RARS2: variants seen among roughly 807,000 people sequenced by gnomAD.
RARS2 encodes arginyl-tRNA synthetase 2, mitochondrial, also known as probable arginine--tRNA ligase, mitochondrial.
Under a neutral mutation model 88.5 loss-of-function variants are expected in RARS2, and 67 were observed. That is an observed-to-expected ratio of 0.76 (90% CI 0.62 to 0.93). The LOEUF (loss-of-function observed/expected upper bound fraction) is 0.93, where lower values mean the gene tolerates loss of function less well. Among genes scored for constraint, RARS2 ranks in the 40% least tolerant of loss-of-function variants. RARS2 has a pLI of 0.00. For synonymous variants in RARS2, 239 were observed against 230.3 expected (o/e 1.04, Z -0.34); for missense variants, 664 against 684.2 (o/e 0.97, Z 0.33).
chr6:87,549,707 G>C (rs1783769461), intron 5 of RARS2, among the ~76,000 whole-genome samples: 1 of 152,082 alleles, frequency 6.6e-6, no homozygotes, highest in Non-Finnish European at 1.5e-5. Flanking sequence ...AATGCTTCTA[G>C]AGCACTCACT....
intron 4 of RARS2, among the ~76,000 whole-genome samples, chr6:87,559,463 CAAAAAAAAAAAAAA>C (rs753856335): frequency 5.4e-4 from 50 of 93,272 alleles, no homozygotes; most frequent in Admixed American, 1.0e-3. Context: ...AACTCTGTCT[CAAAAAAAAAAAAAA>C]AAAAAAAAAA....
intron 2 of RARS2, among the ~76,000 whole-genome samples, chr6:87,564,940 C>A (rs921276473): frequency 6.6e-6 from 1 of 151,864 alleles, no homozygotes; most frequent in Non-Finnish European, 1.5e-5. Context: ...TGCCCGTAAG[C>A]CCAGCTACTC....
chr6:87,520,329 C>G (rs1225684137), intron 12 of RARS2, 73 bp from the exon 13 acceptor site: 35 of 1,226,870 alleles, frequency 2.9e-5, no homozygotes, highest in East Asian at 2.0e-4. Flanking sequence ...GGACTTGAAT[C>G]AAATTAAGAT....
At chr6:87,547,515 TA>T (rs1255856936) in intron 6 of RARS2, among the ~76,000 whole-genome samples, 1 of 152,256 alleles carries the variant, frequency 6.6e-6, no homozygotes, top group Non-Finnish European at 1.5e-5. Context: ...TATATAATTT[TA>T]ATTTCAGTTT....
At chr6:87,572,391 T>A (rs934182973) in intron 1 of RARS2, among the ~76,000 whole-genome samples, 3 of 152,144 alleles carry the variant, frequency 2.0e-5, no homozygotes, top group Admixed American at 6.5e-5. Flanking sequence ...ATATAACAAT[T>A]CGGCTGAAAA....
intron 8 of RARS2, among the ~76,000 whole-genome samples, chr6:87,537,055 A>G (rs1369042091): frequency 2.0e-5 from 3 of 152,254 alleles, no homozygotes; most frequent in Non-Finnish European, 4.4e-5. Flanking sequence ...ACTATCATAC[A>G]ATATCATTTC....
intron 2 of RARS2, among the ~76,000 whole-genome samples, chr6:87,566,553 T>C (rs1056416316): frequency 1.3e-5 from 2 of 152,074 alleles, no homozygotes; most frequent in African/African-American, 4.8e-5. Context: ...AATAAACAAC[T>C]GTGGATGAGG....
At chr6:87,542,705 C>T (rs1207391786) in intron 7 of RARS2, among the ~76,000 whole-genome samples, 5 of 145,282 alleles carry the variant, frequency 3.4e-5, no homozygotes, top group African/African-American at 7.7e-5. Flanking sequence ...TGGTAAACTA[C>T]ATATCAAAAT....
chr6:87,541,940 T>G lies in RARS2; in HGVS notation c.590A>C (p.Asn197Thr), dbSNP rs571919577. ...TACTTCAAAGAGATGCTGTAGAGGA[T>G]TGGACTGCAGTTTTTCCTCATAGCC... is the stretch of plus-strand genomic sequence containing the variant. Reference protein sequence around the residue: ...LFGYEEKLQSNPLQHLFEVYV... With the variant: ...LFGYEEKLQSTPLQHLFEVYV... Residue 197 changes from asparagine to threonine, a missense_variant, in exon 8 of 20, where the codon AAT becomes ACT. Coordinates refer to ENST00000369536, the MANE Select transcript of RARS2 (RefSeq NM_020320.5). The G allele has an allele frequency of 6.2e-7, 1 of 1,613,562 alleles. No individual in the cohort carries two copies. The highest frequency in any genetic ancestry group is 8.5e-7 in the Non-Finnish European group (1 of 1,179,564).
intron 8 of RARS2, 131 bp downstream of exon 8, chr6:87,541,787 G>A (rs1582507737): frequency 3.0e-6 from 2 of 665,742 alleles, no homozygotes; most frequent in East Asian, 3.4e-5. Context: ...TTGCACCACT[G>A]CACTCCAGCC....
intron 1 of RARS2, among the ~76,000 whole-genome samples, chr6:87,572,988 G>T (rs1770265749): frequency 1.3e-5 from 2 of 152,082 alleles, no homozygotes; most frequent in African/African-American, 4.8e-5. Flanking sequence ...TCTAAGACTA[G>T]TTTATCTTAC....
At chr6:87,562,822 A>G (rs1456287332) in intron 3 of RARS2, 37 bp from the exon 4 acceptor site, 1 of 1,482,886 alleles carries the variant, frequency 6.7e-7, no homozygotes, top group South Asian at 1.1e-5. Flanking sequence ...GGTATGTTAT[A>G]TAATAGGCCT....
intron 12 of RARS2, 115 bp downstream of exon 12, chr6:87,521,349 A>G: frequency 1.2e-6 from 1 of 824,556 alleles, no homozygotes; most frequent in Non-Finnish European, 2.0e-6. Context: ...CTTTAAACAT[A>G]CTTAATGTTG....
chr6:87,519,363 A>T, intron 14 of RARS2: 2 of 504,494 alleles, frequency 4.0e-6, no homozygotes, highest in Non-Finnish European at 7.1e-6. Context: ...CTGTTCATGA[A>T]AAGAGGACCA....
At chr6:87,545,301 C>T (rs539379680) in intron 7 of RARS2, among the ~76,000 whole-genome samples, 1 of 152,248 alleles carries the variant, frequency 6.6e-6, no homozygotes, top group East Asian at 1.9e-4. Context: ...TCAGGCTGGT[C>T]TCAAACTCCT....
At position 87,548,644 on chromosome 6, in the gene RARS2, G is replaced by T; in HGVS notation, c.398C>A (p.Ser133Ter). ...ATGAAATTTTTTGGCAACATTAGGT[G>T]AACTGCAAAAAAAATGGGAAACATT... is the stretch of plus-strand genomic sequence containing the variant. ...PQKKIVVEFS[S>*]PNVAKKFHVG... The change falls in exon 6 of 20, where the codon TCA (serine) becomes TAA (stop). Residue 133 changes from serine to a stop codon, truncating the protein, a stop_gained and splice_region_variant. Transcript: ENST00000369536. LOFTEE classifies it high-confidence loss of function. 1 of 1,612,084 alleles carries T rather than the reference G, an allele frequency of 6.2e-7. No homozygotes were observed. The highest frequency in any genetic ancestry group is 1.1e-5 in the South Asian group (1 of 90,862).
Position 87,530,894 on chromosome 6 carries a change from T to G in RARS2, c.661A>C (p.Lys221Gln). 6.2e-7 allele frequency: 1 copy of G among 1,614,216 alleles called. No homozygotes were observed. The highest frequency in any genetic ancestry group is 1.3e-5 in the African/African-American group (1 of 75,060). ...KEAADDKSVA[K>Q]AAQEFFQRLE... The stretch of plus-strand genomic sequence containing the variant: ...CGTTGGAAGAACTCCTGTGCTGCTT[T>G]TGCTACACTTTTATCATCTGCTGCT... Residue 221 changes from lysine to glutamine, a missense_variant, in exon 9 of 20, where the codon AAA becomes CAA. Transcript: ENST00000369536.
chr6:87,542,147 A>T (rs1343158946), intron 7 of RARS2, among the ~76,000 whole-genome samples, 153 bp from the exon 8 acceptor site: 1 of 152,214 alleles, frequency 6.6e-6, no homozygotes, highest in Non-Finnish European at 1.5e-5. Context: ...CTATGACCCC[A>T]TAATCTGACA....
At position 87,514,109 on chromosome 6, in the gene RARS2, C is replaced by T. The variant is rs868047962; in HGVS notation, c.*304G>A. Among the ~76,000 whole-genome samples the T allele has an allele frequency of 1.3e-5, 2 of 152,120 alleles. No homozygotes were observed. The highest frequency in any genetic ancestry group is 2.1e-4 in the South Asian group (1 of 4,820). On this transcript the variant is annotated 3_prime_UTR_variant, in exon 20 of 20. Coordinates refer to ENST00000369536, the MANE Select transcript of RARS2 (RefSeq NM_020320.5). ...GACAGATAACCTGAGGTCGGGAGTG[C>T]AAGACCAGCCTGACCAACATAGAGA... is the stretch of plus-strand genomic sequence containing the variant.
Sources: gnomAD v4.1 joint callset for allele counts (sites outside exome capture counted in the v4.1 genomes callset) on GRCh38, gnomAD v4.1.1 for gene constraint, MANE v1.5 for transcripts, NCBI Gene and HGNC (gene_info 2026-07-23, HGNC 2026-07-21) for gene names.